The following RMDN2 variants were observed in gnomAD, a reference collection of about 807,000 sequenced individuals.
The protein encoded by RMDN2 is regulator of microtubule dynamics protein 2.
RMDN2 carries 61 observed loss-of-function variants against 52.8 expected under a neutral mutation model. That is an observed-to-expected ratio of 1.16 (90% CI 0.94 to 1.43). The LOEUF is 1.43. Ranked by LOEUF, RMDN2 falls within the 40% of genes most tolerant of loss-of-function variation. RMDN2 has a pLI of 0.00. For missense variants in RMDN2, 592 were observed against 475.3 expected (o/e 1.25, Z -2.28); for synonymous variants, 180 against 153.1 (o/e 1.18, Z -1.30).
chr2:38,066,157 A>G lies in RMDN2; in HGVS notation c.1714-825A>G, dbSNP rs532433239. ...CCCATTACTTTATCGCATCCCTCTG[A>G]AGACTGTTAGGCAATAATGCATTAG... is the stretch of plus-strand genomic sequence containing the variant. On this transcript the variant is annotated intron_variant, in intron 10 of 10. Coordinates refer to the RMDN2 transcript ENST00000234195. 3.3e-4 allele frequency among the ~76,000 whole-genome samples: 50 copies of G among 152,332 alleles called. No individual in the cohort carries two copies. In the South Asian group the frequency reaches 0.01, roughly 31 times the overall value.
chr2:37,980,301 A>T (rs1057015332), intron 4 of RMDN2, among the ~76,000 whole-genome samples: 83 of 152,106 alleles, frequency 5.5e-4, no homozygotes, highest in African/African-American at 1.9e-3. Context: ...AATTATTATT[A>T]TTTTTGGTTT....
intron 8 of RMDN2, among the ~76,000 whole-genome samples, chr2:38,001,416 T>TC (rs1428348510): frequency 3.3e-5 from 5 of 152,230 alleles, no homozygotes; most frequent in African/African-American, 1.2e-4. Context: ...TTGTAATTCA[T>TC]CCAAGTCCTT....
upstream of RMDN2, among the ~76,000 whole-genome samples, chr2:37,923,899 G>C (rs750664862): frequency 6.6e-6 from 1 of 152,020 alleles, no homozygotes; most frequent in Non-Finnish European, 1.5e-5. Flanking sequence ...ACAGAAGTGC[G>C]CCACCACACT....
intron 10 of RMDN2, among the ~76,000 whole-genome samples, chr2:38,010,641 C>A (rs897063876): frequency 9.2e-5 from 14 of 152,200 alleles, no homozygotes; most frequent in African/African-American, 3.4e-4. Flanking sequence ...AGGGAATTCC[C>A]TTACCCTTTG....
At chr2:37,945,102 A>G (rs909548000) in intron 2 of RMDN2, among the ~76,000 whole-genome samples, 7 of 152,232 alleles carry the variant, frequency 4.6e-5, no homozygotes, top group African/African-American at 1.7e-4. Flanking sequence ...ATGGAAACTG[A>G]CAATATAAAG....
At chr2:38,028,501 G>A (rs1321952021) in intron 10 of RMDN2, among the ~76,000 whole-genome samples, 2 of 152,042 alleles carry the variant, frequency 1.3e-5, no homozygotes, top group Admixed American at 1.3e-4. Flanking sequence ...TTCTTATTAT[G>A]GATCATTTAG....
intron 7 of RMDN2, among the ~76,000 whole-genome samples, 193 bp downstream of exon 7, chr2:37,991,490 T>TCAAAATATAA (rs1245914383): frequency 6.6e-6 from 1 of 151,880 alleles, no homozygotes; most frequent in Admixed American, 6.6e-5. Context: ...ACATTATAAT[T>TCAAAATATAA]TTAAAAGCTA....
chr2:37,922,651 A>T (rs1229612006), upstream of RMDN2, among the ~76,000 whole-genome samples: 7 of 152,238 alleles, frequency 4.6e-5, no homozygotes, highest in East Asian at 1.3e-3. Context: ...TATAGTGTAC[A>T]CCAGAGAGGT....
At chr2:37,975,108 C>G (rs1672292013) in intron 3 of RMDN2, 104 bp from the exon 4 acceptor site, 2 of 697,388 alleles carry the variant, frequency 2.9e-6, no homozygotes, top group South Asian at 3.2e-5. Context: ...TCTATAAATA[C>G]CAGTTTACCT....
At chr2:37,965,032 T>A (rs1670845363) in intron 2 of RMDN2, among the ~76,000 whole-genome samples, 1 of 152,180 alleles carries the variant, frequency 6.6e-6, no homozygotes, top group Non-Finnish European at 1.5e-5. Flanking sequence ...TTTTGTCTAC[T>A]AGTATAGCCA....
chr2:38,015,045 T>G (rs1678553551), intron 10 of RMDN2, among the ~76,000 whole-genome samples: 1 of 152,222 alleles, frequency 6.6e-6, no homozygotes. Context: ...TAAGACTTGC[T>G]TGGACAGTAG....
intron 2 of RMDN2, among the ~76,000 whole-genome samples, chr2:37,959,862 T>C (rs1669971934): frequency 6.6e-6 from 1 of 151,026 alleles, no homozygotes; most frequent in South Asian, 2.1e-4. Flanking sequence ...TTAGTTCTCA[T>C]TGGTTTCAAG....
chr2:38,065,834 G>T (rs1240662184), intron 10 of RMDN2, among the ~76,000 whole-genome samples: 1 of 152,218 alleles, frequency 6.6e-6, no homozygotes, highest in African/African-American at 2.4e-5. Flanking sequence ...TTGGCTTTTG[G>T]TTTTGCCTAA....
chr2:38,041,742 G>T (rs1289133946), intron 10 of RMDN2, among the ~76,000 whole-genome samples: 1 of 152,068 alleles, frequency 6.6e-6, no homozygotes, highest in Non-Finnish European at 1.5e-5. Context: ...TAATGTGATA[G>T]ATCATATTAA....
chr2:38,045,625 A>G (rs544066046), intron 10 of RMDN2, among the ~76,000 whole-genome samples: 66 of 145,590 alleles, frequency 4.5e-4, no homozygotes, highest in African/African-American at 1.5e-3. Context: ...GATCAAGGAA[A>G]TTGATCAAAT....
chr2:37,983,969 C>A (rs1407200135), intron 5 of RMDN2, among the ~76,000 whole-genome samples: 1 of 152,124 alleles, frequency 6.6e-6, no homozygotes, highest in African/African-American at 2.4e-5. Context: ...AGACTGGCCC[C>A]AAAGTCTAAA....
At chr2:37,953,896 G>T (rs1267326318) in intron 2 of RMDN2, among the ~76,000 whole-genome samples, 1 of 151,842 alleles carries the variant, frequency 6.6e-6, no homozygotes, top group East Asian at 1.9e-4. Flanking sequence ...CATCCTAATG[G>T]GTATGAGGTG....
chr2:38,007,010 T>C (rs1291590202), intron 10 of RMDN2, among the ~76,000 whole-genome samples: 4 of 152,234 alleles, frequency 2.6e-5, no homozygotes, highest in Admixed American at 1.3e-4. Flanking sequence ...ATTACATTTA[T>C]TGATCTACGT....
chr2:37,999,045 A>C (rs1675958515), intron 8 of RMDN2, among the ~76,000 whole-genome samples: 1 of 152,218 alleles, frequency 6.6e-6, no homozygotes, highest in Admixed American at 6.5e-5. Flanking sequence ...TCTGTACTCA[A>C]AACTCATTTC....
Sources: allele counts gnomAD v4.1 joint callset (sites outside exome capture counted in the v4.1 genomes callset), GRCh38; gene constraint gnomAD v4.1.1; transcripts MANE v1.5; gene names NCBI Gene and HGNC (gene_info 2026-07-23, HGNC 2026-07-21).